TUT4: variants seen among roughly 807,000 people sequenced by gnomAD.
TUT4 encodes the protein terminal uridylyl transferase 4.
In TUT4, 36 loss-of-function variants were observed where a neutral mutation model predicts 192.2. The observed-to-expected ratio is 0.19, with a 90% CI of 0.14 to 0.25. The LOEUF (loss-of-function observed/expected upper bound fraction) is 0.25. Among genes scored for constraint, TUT4 ranks in the 10% least tolerant of loss-of-function variants. The probability of loss-of-function intolerance (pLI) is 1.00; values close to 1 mark genes in which losing one functional copy is unlikely to be tolerated. For synonymous variants in TUT4, 618 were observed against 666.0 expected, an observed-to-expected ratio of 0.93 and a Z score of 1.11; for missense variants, 1,493 against 1,957.2, an observed-to-expected ratio of 0.76 and a Z score of 4.47.
At chr1:52,437,155 C>T in intron 25 of TUT4, 177 bp from the exon 26 acceptor site, 7 of 769,260 alleles carry the variant, frequency 9.1e-6, no homozygotes, top group Non-Finnish European at 1.3e-5. Context: ...CTCGGTTTTC[C>T]AGTAGTTTTG....
intron 1 of TUT4, among the ~76,000 whole-genome samples, chr1:52,534,635 T>C (rs1028883713): frequency 2.0e-5 from 3 of 151,648 alleles, no homozygotes; most frequent in Admixed American, 1.3e-4. Context: ...GGAGGATCAT[T>C]TGAGTTCAGA....
chr1:52,505,604 T>C (rs1301808783), intron 4 of TUT4, among the ~76,000 whole-genome samples: 2 of 151,910 alleles, frequency 1.3e-5, no homozygotes, highest in African/African-American at 2.4e-5. Context: ...GTATTTTTAG[T>C]GGAGAGGGGG....
At position 52,436,762 on chromosome 1, in the gene TUT4, A is replaced by G. The variant is rs1404419465; in HGVS notation, c.4155T>C (p.Ser1385=). 2 of 1,612,956 alleles carry G rather than the reference A, an allele frequency of 1.2e-6. No homozygotes were observed. The highest frequency in any genetic ancestry group is 2.7e-5 in the African/African-American group (2 of 74,828). ...EVKLARQRNS[S]VAAAQLVRNL... ...TTGGCCTTTTCTATTTACCTGCCAC[A>G]CTGCTATTCCTCTGACGGGCCAGCT... The change falls in exon 26 of 30, where the codon AGT becomes AGC. Residue 1385 remains serine (S), a synonymous_variant. Transcript: ENST00000257177.
At chr1:52,471,339 T>C (rs1327491714) in intron 14 of TUT4, among the ~76,000 whole-genome samples, 2 of 152,224 alleles carry the variant, frequency 1.3e-5, no homozygotes, top group African/African-American at 4.8e-5. Context: ...TGCATAATCT[T>C]TGACGTTTAA....
At chr1:52,492,149 C>T (rs187795163) in intron 7 of TUT4, among the ~76,000 whole-genome samples, 20 of 152,058 alleles carry the variant, frequency 1.3e-4, no homozygotes, top group Admixed American at 2.0e-4. Context: ...AAAAGTTTTT[C>T]GGCAATTAGA....
At chr1:52,505,289 A>T (rs1675226732) in intron 4 of TUT4, among the ~76,000 whole-genome samples, 1 of 151,920 alleles carries the variant, frequency 6.6e-6, no homozygotes, top group Non-Finnish European at 1.5e-5. Context: ...ACAGGGTCTC[A>T]TTATATTGCC....
chr1:52,501,452 G>A (rs1229425633), intron 4 of TUT4, among the ~76,000 whole-genome samples: 1 of 151,738 alleles, frequency 6.6e-6, no homozygotes, highest in East Asian at 1.9e-4. Context: ...GCGGGGGGAG[G>A]CAGAAAACAA....
chr1:52,436,727 G>A, intron 26 of TUT4, 28 bp downstream of exon 26: 1 of 1,611,234 alleles, frequency 6.2e-7, no homozygotes, highest in Non-Finnish European at 8.5e-7. Flanking sequence ...GTTTCTACCA[G>A]AAACTATGTT....
chr1:52,528,893 T>C (rs568490680), intron 1 of TUT4, among the ~76,000 whole-genome samples: 1 of 152,188 alleles, frequency 6.6e-6, no homozygotes, highest in South Asian at 2.1e-4. Context: ...TTTTTTTTGT[T>C]GTAGAGACAA....
chr1:52,505,189 C>T (rs1260717550), intron 4 of TUT4, among the ~76,000 whole-genome samples: 1 of 152,090 alleles, frequency 6.6e-6, no homozygotes, highest in African/African-American at 2.4e-5. Context: ...ACTTTCATAC[C>T]TGTCTTTTTT....
Position 52,425,395 on chromosome 1 carries a change from A to C in TUT4, c.4824T>G (p.His1608Gln), listed in dbSNP as rs779878808. Residue 1608 changes from histidine to glutamine, a missense_variant, in exon 29 of 30, where the codon CAT (histidine) becomes CAG (glutamine). By Grantham distance (24) the His-to-Gln change is conservative. Coordinates refer to ENST00000257177, the MANE Select transcript of TUT4 (RefSeq NM_001009881.3). ...TGGGCTGGAATCGGGCATTTCCCTG[A>C]TGCATGAAGTTTTGATGCAAACCAT... ...WPYGLHQNFMHQGNARFQPNK... is the reference protein window; with the variant it reads ...WPYGLHQNFMQQGNARFQPNK... 2.6e-5 allele frequency: 42 copies of C among 1,613,862 alleles called. No homozygotes were observed. The highest frequency in any genetic ancestry group is 3.6e-5 in the Non-Finnish European group (42 of 1,179,924).
chr1:52,497,110 G>C lies in TUT4; in HGVS notation c.1073C>G (p.Ala358Gly). ...SPAHLAALSV[A>G]VIELAKEHGI... is the part of the protein sequence containing the mutation. The stretch of plus-strand genomic sequence containing the variant: ...ATGTTCTTTTGCTAATTCAATGACT[G>C]CAACACTTAAAGCAGCCAAGTGGGC... The change falls in exon 5 of 30, where the codon GCA (alanine) becomes GGA (glycine). Residue 358 changes from alanine (A) to glycine (G), a missense_variant. Transcript: ENST00000257177. 3.1e-6 allele frequency: 5 copies of C among 1,613,914 alleles called. No individual in the cohort carries two copies. Among genetic ancestry groups the C allele is most frequent in the Non-Finnish European group, 4.2e-6 (5 of 1,179,916 alleles).
At chr1:52,479,614 G>A (rs532291304) in intron 11 of TUT4, among the ~76,000 whole-genome samples, 2 of 152,144 alleles carry the variant, frequency 1.3e-5, no homozygotes, top group African/African-American at 2.4e-5. Context: ...AAAGGATGCA[G>A]TGCAAACAAT....
At chr1:52,488,345 T>C (rs566502457) in intron 9 of TUT4, among the ~76,000 whole-genome samples, 9 of 152,318 alleles carry the variant, frequency 5.9e-5, no homozygotes, top group South Asian at 2.1e-4. Context: ...TGGACTGATA[T>C]TGATAATTAA....
chr1:52,553,350 A>G (rs1450272127), upstream of TUT4: 1 of 143,208 alleles, frequency 7.0e-6, no homozygotes. Context: ...GGGAGGGGGG[A>G]AACAGCACTG....
chr1:52,460,052 T>C (rs926900444), intron 19 of TUT4, among the ~76,000 whole-genome samples: 7 of 152,154 alleles, frequency 4.6e-5, no homozygotes, highest in African/African-American at 1.7e-4. Flanking sequence ...CAGAATTCTA[T>C]GTAGTTATAA....
chr1:52,455,578 G>A (rs1221722146), intron 20 of TUT4, among the ~76,000 whole-genome samples: 2 of 141,424 alleles, frequency 1.4e-5, no homozygotes, highest in South Asian at 2.3e-4. Flanking sequence ...AGTCCAGCCC[G>A]GGCAGCAACA....
At chr1:52,545,906 G>C (rs1687947851) in intron 1 of TUT4, among the ~76,000 whole-genome samples, 1 of 149,314 alleles carries the variant, frequency 6.7e-6, no homozygotes, top group Non-Finnish European at 1.5e-5. Flanking sequence ...CACATCACTT[G>C]AGCTCAGGAG....
chr1:52,450,831 G>A (rs1023046989), intron 20 of TUT4, among the ~76,000 whole-genome samples: 2 of 152,110 alleles, frequency 1.3e-5, no homozygotes, highest in African/African-American at 2.4e-5. Flanking sequence ...TGGGTAAGGA[G>A]AGAATACAGA....
Sources: allele counts gnomAD v4.1 joint callset (sites outside exome capture counted in the v4.1 genomes callset), GRCh38; gene constraint gnomAD v4.1.1; transcripts MANE v1.5; gene names NCBI Gene and HGNC (gene_info 2026-07-23, HGNC 2026-07-21).